Variants in NAALADL2 observed in about 807,000 individuals in gnomAD.
NAALADL2 encodes inactive N-acetylated-alpha-linked acidic dipeptidase-like protein 2.
A neutral mutation model predicts 87.2 loss-of-function variants in NAALADL2; 76 were observed. The ratio of observed to expected loss-of-function variants is 0.87; its 90% confidence interval spans 0.72 to 1.05. The LOEUF is 1.05. Among genes scored for constraint, NAALADL2 ranks in the 50% least tolerant of loss-of-function variants. NAALADL2 has a pLI of 0.00. For missense variants in NAALADL2, 1,089 were observed against 945.8 expected (o/e 1.15, Z -1.99); for synonymous variants, 354 against 331.0 (o/e 1.07, Z -0.75).
chr3:175,617,118 T>C (rs62284513), intron 10 of NAALADL2, among the ~76,000 whole-genome samples: 21,731 of 152,162 alleles, frequency 0.14, 1,690 homozygotes, highest in Non-Finnish European at 0.17. Context: ...AGAGGTCTCC[T>C]CAACTACAAC....
At chr3:175,159,723 C>T (rs1461315559) in intron 2 of NAALADL2, among the ~76,000 whole-genome samples, 2 of 152,086 alleles carry the variant, frequency 1.3e-5, no homozygotes, top group Non-Finnish European at 2.9e-5. Context: ...AGTTTTGTGG[C>T]AGTTTTGTTA....
intron 4 of NAALADL2, among the ~76,000 whole-genome samples, chr3:175,314,597 A>ATATATATG (rs1758807673): frequency 9.0e-6 from 1 of 110,978 alleles, no homozygotes; most frequent in Admixed American, 9.4e-5. Context: ...ATATATATAT[A>ATATATATG]TAGGCTATAC....
chr3:175,700,100 G>T (rs1028744060), intron 11 of NAALADL2, among the ~76,000 whole-genome samples: 18 of 152,088 alleles, frequency 1.2e-4, no homozygotes, highest in Admixed American at 1.1e-3. Context: ...GTACTACAGT[G>T]CTCTTTTGAG....
chr3:174,462,133 A>C (rs1194451045), intron 1 of NAALADL2, among the ~76,000 whole-genome samples: 8 of 151,942 alleles, frequency 5.3e-5, no homozygotes, highest in Admixed American at 1.3e-4. Flanking sequence ...GAATGAGAAG[A>C]TTAGTAGTTT....
intron 5 of NAALADL2, among the ~76,000 whole-genome samples, chr3:175,359,831 C>T (rs918867318): frequency 1.8e-4 from 28 of 152,006 alleles, no homozygotes; most frequent in Admixed American, 4.6e-4. Flanking sequence ...TGAATTATTA[C>T]TATAAAACCT....
intron 1 of NAALADL2, among the ~76,000 whole-genome samples, chr3:175,060,392 T>G (rs1713176743): frequency 6.6e-6 from 1 of 152,234 alleles, no homozygotes; most frequent in Non-Finnish European, 1.5e-5. Context: ...TTTATAGACT[T>G]CACTTATAAG....
chr3:175,446,357 T>C (rs1015866303), intron 5 of NAALADL2, among the ~76,000 whole-genome samples: 3 of 152,064 alleles, frequency 2.0e-5, no homozygotes, highest in Non-Finnish European at 4.4e-5. Context: ...TTCTCCTGCC[T>C]CGGCCTCCTG....
intron 1 of NAALADL2, among the ~76,000 whole-genome samples, chr3:174,518,921 T>A (rs761312316): frequency 2.0e-5 from 3 of 152,202 alleles, no homozygotes; most frequent in Non-Finnish European, 4.4e-5. Context: ...TATTCTGCAT[T>A]TTTTTAAGGC....
intron 1 of NAALADL2, among the ~76,000 whole-genome samples, chr3:175,034,586 G>A (rs947716120): frequency 5.9e-4 from 90 of 152,106 alleles, no homozygotes; most frequent in African/African-American, 2.1e-3. Flanking sequence ...TATCCCATTT[G>A]ACTATGTTTT....
upstream of NAALADL2, among the ~76,000 whole-genome samples, chr3:174,856,242 G>GC (rs1303885761): frequency 1.3e-5 from 2 of 152,022 alleles, no homozygotes; most frequent in Admixed American, 1.3e-4. Flanking sequence ...TTGGGCTTAA[G>GC]CGATCCTTCT....
chr3:175,475,225 A>G (rs1034238431), intron 9 of NAALADL2, among the ~76,000 whole-genome samples: 2 of 152,028 alleles, frequency 1.3e-5, no homozygotes, highest in Admixed American at 1.3e-4. Context: ...CCTTTTTTGT[A>G]ATTTTATTTC....
At chr3:175,513,711 C>T (rs1731474756) in intron 9 of NAALADL2, among the ~76,000 whole-genome samples, 1 of 152,136 alleles carries the variant, frequency 6.6e-6, no homozygotes, top group Non-Finnish European at 1.5e-5. Context: ...TAAGGGATGC[C>T]AATGTCATAG....
At chr3:174,582,969 A>G (rs1716336383) in intron 2 of NAALADL2, among the ~76,000 whole-genome samples, 1 of 152,232 alleles carries the variant, frequency 6.6e-6, no homozygotes, top group East Asian at 1.9e-4. Flanking sequence ...GAAATGTCTA[A>G]GTTCATCTGG....
intron 13 of NAALADL2, among the ~76,000 whole-genome samples, chr3:175,786,420 A>C (rs1235660508): frequency 6.6e-6 from 1 of 151,882 alleles, no homozygotes; most frequent in East Asian, 1.9e-4. Flanking sequence ...TTTTTTCTCT[A>C]AACTTCCCTT....
intron 2 of NAALADL2, among the ~76,000 whole-genome samples, chr3:174,557,243 A>T (rs1465742879): frequency 1.3e-5 from 2 of 152,210 alleles, no homozygotes; most frequent in Non-Finnish European, 2.9e-5. Context: ...TACACGAAAT[A>T]GTTGACCTAC....
intron 11 of NAALADL2, among the ~76,000 whole-genome samples, chr3:175,638,519 A>G (rs1019355549): frequency 3.3e-5 from 5 of 152,164 alleles, no homozygotes; most frequent in African/African-American, 1.2e-4. Flanking sequence ...CATTCAGAAA[A>G]TATGGTCACA....
At chr3:175,143,119 A>G (rs1217198612) in intron 2 of NAALADL2, among the ~76,000 whole-genome samples, 1 of 151,964 alleles carries the variant, frequency 6.6e-6, no homozygotes, top group East Asian at 1.9e-4. Flanking sequence ...CAACCTCTTC[A>G]TTCACAAATC....
chr3:175,104,685 A>G (rs1030899889), intron 2 of NAALADL2, among the ~76,000 whole-genome samples: 1 of 152,174 alleles, frequency 6.6e-6, no homozygotes, highest in African/African-American at 2.4e-5. Flanking sequence ...AAAACATGTA[A>G]ATGCATGCAC....
At position 174,830,648 on chromosome 3, in the gene NAALADL2, G is replaced by T. The variant is rs374956380; in HGVS notation, c.-9+92902G>T. ...AAAGTAGTTTTTTCTGTGAAGAAAGGCATTGGTAGCTTGATGGGGATGGCA... is the reference window on the plus strand; with the variant it reads ...AAAGTAGTTTTTTCTGTGAAGAAAGTCATTGGTAGCTTGATGGGGATGGCA... On this transcript the variant is annotated intron_variant, in intron 3 of 3. Transcript: ENST00000434257. 6.0e-3 allele frequency among the ~76,000 whole-genome samples: 917 copies of T among 152,164 alleles called. 11 individuals carry two copies. The highest frequency in any genetic ancestry group is 0.021 in the African/African-American group (873 of 41,492).
Sources: gnomAD v4.1 joint callset for allele counts (sites outside exome capture counted in the v4.1 genomes callset) on GRCh38, gnomAD v4.1.1 for gene constraint, MANE v1.5 for transcripts, NCBI Gene and HGNC (gene_info 2026-07-23, HGNC 2026-07-21) for gene names.